TTLL1: variants seen among roughly 807,000 people sequenced by gnomAD.
TTLL1 encodes TTL family tubulin polyglutamylase complex subunit L1.
TTLL1 carries 33 observed loss-of-function variants against 47.8 expected under a neutral mutation model. That is an observed-to-expected ratio of 0.69 (90% CI 0.52 to 0.92). TTLL1 has a LOEUF of 0.92. TTLL1 is among the 40% of genes least tolerant of loss of function. The probability of loss-of-function intolerance (pLI) is 0.00; values close to 1 mark genes in which losing one functional copy is unlikely to be tolerated. For missense variants in TTLL1, 488 were observed against 547.5 expected (o/e 0.89, Z 1.08); for synonymous variants, 225 against 214.1 (o/e 1.05, Z -0.45).
At chr22:43,049,020 C>T (rs1181625823) in intron 9 of TTLL1, among the ~76,000 whole-genome samples, 2 of 151,922 alleles carry the variant, frequency 1.3e-5, no homozygotes, top group East Asian at 1.9e-4. Context: ...TTAAAAACTC[C>T]GTATTGAATA....
At chr22:43,088,576 C>A (rs1006556333) in intron 1 of TTLL1, among the ~76,000 whole-genome samples, 2 of 151,586 alleles carry the variant, frequency 1.3e-5, no homozygotes, top group African/African-American at 4.9e-5. Context: ...ATCTCCTGAC[C>A]TCGTGATCCT....
At chr22:43,063,530 A>G (rs1055874282) in intron 7 of TTLL1, among the ~76,000 whole-genome samples, 19 of 150,988 alleles carry the variant, frequency 1.3e-4, no homozygotes, top group African/African-American at 4.4e-4. Context: ...CAATGGTGCA[A>G]TCTCGGCTCA....
chr22:43,047,273 A>G (rs1307372890), intron 9 of TTLL1, among the ~76,000 whole-genome samples: 1 of 152,126 alleles, frequency 6.6e-6, no homozygotes, highest in Non-Finnish European at 1.5e-5. Context: ...AGCAAAAGGC[A>G]ATGGGCTCCC....
At chr22:43,061,565 C>T (rs911147764) in intron 7 of TTLL1, among the ~76,000 whole-genome samples, 1 of 152,236 alleles carries the variant, frequency 6.6e-6, no homozygotes, top group Non-Finnish European at 1.5e-5. Context: ...TCAAGGCTTC[C>T]ATCCAAAGAA....
At chr22:43,066,917 G>C (rs1927774706) in intron 5 of TTLL1, among the ~76,000 whole-genome samples, 1 of 151,978 alleles carries the variant, frequency 6.6e-6, no homozygotes, top group African/African-American at 2.4e-5. Context: ...AACCTGGGAG[G>C]CGTGAGGTTG....
In TTLL1 at chr22:43,080,902, CTTTTTTTTTT is replaced by C. The variant is rs10529079; in HGVS notation, c.-89-926_-89-917del. On this transcript the variant is annotated intron_variant, in intron 1 of 10. Transcript: ENST00000266254. Reference sequence around the variant, plus strand: ...GTCACCTGTTCCCAGTGTTGCATGACTTTTTTTTTTTTTTTTTTTTTTTTTTTTTTTTTAG... The same window carrying C: ...GTCACCTGTTCCCAGTGTTGCATGACTTTTTTTTTTTTTTTTTTTTTTTAG... Among the ~76,000 whole-genome samples, 157 of 69,296 alleles carry C rather than the reference CTTTTTTTTTT, an allele frequency of 2.3e-3. 1 individual carries two copies. Among genetic ancestry groups the C allele is most frequent in the African/African-American group, 7.9e-3 (138 of 17,426 alleles). The allele number at this position is 69,296 out of a possible 152,430, so 45.5% of individuals were successfully genotyped here.
chr22:43,067,854 G>A (rs1466802589), intron 5 of TTLL1, among the ~76,000 whole-genome samples: 1 of 151,910 alleles, frequency 6.6e-6, no homozygotes, highest in African/African-American at 2.4e-5. Flanking sequence ...ACCCAGGCTG[G>A]AGTGCATGGC....
At chr22:43,067,709 G>A (rs1018220382) in intron 5 of TTLL1, among the ~76,000 whole-genome samples, 3 of 152,022 alleles carry the variant, frequency 2.0e-5, no homozygotes, top group Admixed American at 6.6e-5. Context: ...AGTGAATCAC[G>A]CCTGTAATCC....
In TTLL1 at chr22:43,056,458, T is replaced by C. The variant is rs1454850320; in HGVS notation, c.891+2926A>G. Among the ~76,000 whole-genome samples, 3 of 149,264 alleles carry C rather than the reference T, an allele frequency of 2.0e-5. No individual in the cohort carries two copies. The East Asian group carries it at 5.9e-4, about 29-fold the overall frequency. On this transcript the variant is annotated intron_variant, in intron 8 of 10. Coordinates refer to ENST00000266254, the MANE Select transcript of TTLL1 (RefSeq NM_012263.5). ...GTTTCACACATTTCCATCTTTCTTCTTGTCTTTTTTTTTTTTTTTTTTTTT... is the reference window on the plus strand; with the variant it reads ...GTTTCACACATTTCCATCTTTCTTCCTGTCTTTTTTTTTTTTTTTTTTTTT...
intron 9 of TTLL1, among the ~76,000 whole-genome samples, chr22:43,050,004 G>A (rs1405734523): frequency 6.6e-6 from 1 of 152,180 alleles, no homozygotes; most frequent in Non-Finnish European, 1.5e-5. Flanking sequence ...GGCTGAGGCA[G>A]GAGAATTGCT....
At chr22:43,070,036 A>G in intron 3 of TTLL1, 192 bp from the exon 4 acceptor site, 1 of 1,188,886 alleles carries the variant, frequency 8.4e-7, no homozygotes, top group Non-Finnish European at 1.2e-6. Flanking sequence ...CCGGGACCCA[A>G]GTGGTGTGAG....
chr22:43,056,491 A>G (rs1014441783), intron 8 of TTLL1, among the ~76,000 whole-genome samples: 7 of 127,016 alleles, frequency 5.5e-5, no homozygotes, highest in African/African-American at 2.1e-4. Context: ...TTTTTTAAAG[A>G]GACAGGGCTG....
Position 43,059,442 on chromosome 22 carries a change from G to C in TTLL1, c.833C>G (p.Thr278Ser), listed in dbSNP as rs761991605. The C allele has an allele frequency of 1.7e-5, 27 of 1,613,928 alleles. No individual in the cohort carries two copies. Among genetic ancestry groups the C allele is most frequent in the Non-Finnish European group, 2.2e-5 (26 of 1,180,018 alleles). The change falls in exon 8 of 11, where the codon ACC becomes AGC. Residue 278 changes from threonine to serine, a missense_variant. By Grantham distance (58) the Thr-to-Ser change is moderately conservative. Transcript: ENST00000266254. Reference sequence around the variant, plus strand: ...GTGGATCTCGTCGAACAGCTTGCTGGTCACCTCCTTGCCGCGGGTGCTCTC... The same window carrying C: ...GTGGATCTCGTCGAACAGCTTGCTGCTCACCTCCTTGCCGCGGGTGCTCTC... ...YLESTRGKEV[T>S]SKLFDEIHWI...
At chr22:43,065,300 A>G (rs913119842) in intron 5 of TTLL1, among the ~76,000 whole-genome samples, 11 of 151,928 alleles carry the variant, frequency 7.2e-5, no homozygotes, top group Non-Finnish European at 1.6e-4. Flanking sequence ...TTATATATAT[A>G]TATTTTTGAG....
chr22:43,073,779 T>A (rs752515440), intron 3 of TTLL1, among the ~76,000 whole-genome samples: 1 of 152,072 alleles, frequency 6.6e-6, no homozygotes, highest in Non-Finnish European at 1.5e-5. Flanking sequence ...TAAACCTGAT[T>A]GTACATTTAG....
chr22:43,075,202 G>C (rs1383851834), intron 3 of TTLL1, among the ~76,000 whole-genome samples: 1 of 152,134 alleles, frequency 6.6e-6, no homozygotes, highest in Non-Finnish European at 1.5e-5. Context: ...TCACTGGAAG[G>C]GGAGGGCTGA....
chr22:43,042,938 CTTTTTTT>C (rs59595664), intron 10 of TTLL1, among the ~76,000 whole-genome samples: 1 of 129,744 alleles, frequency 7.7e-6, no homozygotes, highest in Non-Finnish European at 1.6e-5. Flanking sequence ...GCTGCTTTTT[CTTTTTTT>C]TTTTTTTTTT....
chr22:43,074,459 G>GA (rs1053374930), intron 3 of TTLL1, among the ~76,000 whole-genome samples: 25 of 145,148 alleles, frequency 1.7e-4, no homozygotes, highest in African/African-American at 3.8e-4. Flanking sequence ...AAGAAAGAAA[G>GA]AAAAAAAAAT....
intron 2 of TTLL1, among the ~76,000 whole-genome samples, chr22:43,078,258 G>A (rs548407099): frequency 1.2e-4 from 18 of 152,198 alleles, no homozygotes; most frequent in South Asian, 8.3e-4. Flanking sequence ...CACTTTGGGA[G>A]GCTGAGGTGG....
Sources: allele counts gnomAD v4.1 joint callset (sites outside exome capture counted in the v4.1 genomes callset), GRCh38; gene constraint gnomAD v4.1.1; transcripts MANE v1.5; gene names NCBI Gene and HGNC (gene_info 2026-07-23, HGNC 2026-07-21).